ATP8A2: variants seen among roughly 807,000 people sequenced by gnomAD.
ATP8A2 encodes ATPase phospholipid transporting 8A2, also known as phospholipid-transporting ATPase IB.
Under a neutral mutation model 165.6 loss-of-function variants are expected in ATP8A2, and 100 were observed. That is an observed-to-expected ratio of 0.60 (90% CI 0.51 to 0.71). The LOEUF is 0.71. ATP8A2 is among the 30% of genes least tolerant of loss of function. The pLI is 0.00. For synonymous variants in ATP8A2, 543 were observed against 548.8 expected (o/e 0.99, Z 0.15); for missense variants, 1,227 against 1,479.5 (o/e 0.83, Z 2.80).
intron 30 of ATP8A2, among the ~76,000 whole-genome samples, chr13:25,855,353 G>C (rs1204823631): frequency 1.3e-5 from 2 of 152,038 alleles, no homozygotes; most frequent in African/African-American, 4.8e-5. Context: ...CCCATTTCTG[G>C]ACATTCCATA....
At chr13:25,982,096 A>G (rs1274363715) in intron 35 of ATP8A2, among the ~76,000 whole-genome samples, 1 of 152,188 alleles carries the variant, frequency 6.6e-6, no homozygotes, top group Non-Finnish European at 1.5e-5. Flanking sequence ...TTCTAGAATG[A>G]TGGTGGTTTT....
chr13:25,910,101 G>T (rs918265153), intron 33 of ATP8A2, among the ~76,000 whole-genome samples: 12 of 152,188 alleles, frequency 7.9e-5, no homozygotes, highest in African/African-American at 2.9e-4. Flanking sequence ...AGTGAAAAGG[G>T]ATGCACAAGT....
At chr13:25,607,498 A>G (rs1221902443) in intron 24 of ATP8A2, among the ~76,000 whole-genome samples, 1 of 151,772 alleles carries the variant, frequency 6.6e-6, no homozygotes, top group Non-Finnish European at 1.5e-5. Context: ...ACCGATTGTT[A>G]AGTCAAAAAA....
chr13:25,411,447 A>G (rs2033962424), intron 1 of ATP8A2, among the ~76,000 whole-genome samples: 1 of 152,168 alleles, frequency 6.6e-6, no homozygotes, highest in Non-Finnish European at 1.5e-5. Flanking sequence ...CAGAGCCTTA[A>G]TTTTCTAATA....
chr13:25,593,610 C>T (rs144233006), intron 24 of ATP8A2, among the ~76,000 whole-genome samples: 2 of 152,220 alleles, frequency 1.3e-5, no homozygotes, highest in East Asian at 1.9e-4. Context: ...ATTGATAATA[C>T]GTAAGGATTG....
intron 24 of ATP8A2, among the ~76,000 whole-genome samples, chr13:25,662,251 A>G (rs1406851090): frequency 5.9e-5 from 9 of 152,180 alleles, no homozygotes; most frequent in Admixed American, 5.9e-4. Context: ...TGCCATGATG[A>G]GTGTGCAGAG....
chr13:25,677,945 G>A (rs764645122), intron 24 of ATP8A2, among the ~76,000 whole-genome samples: 10 of 152,140 alleles, frequency 6.6e-5, no homozygotes, highest in Non-Finnish European at 1.0e-4. Context: ...ATGAGAGGGG[G>A]TGGGGGATAT....
chr13:25,607,659 C>T (rs963917684), intron 24 of ATP8A2, among the ~76,000 whole-genome samples: 14 of 152,192 alleles, frequency 9.2e-5, no homozygotes, highest in Non-Finnish European at 4.4e-5. Context: ...GACTCAATTC[C>T]AGTTCCATTG....
intron 11 of ATP8A2, among the ~76,000 whole-genome samples, chr13:25,552,850 C>A (rs140902589): frequency 1.3e-5 from 2 of 152,196 alleles, no homozygotes; most frequent in Non-Finnish European, 2.9e-5. Context: ...CCTGCTCCCC[C>A]TGTACCTTCC....
chr13:25,590,379 C>T (rs966358877), intron 24 of ATP8A2, among the ~76,000 whole-genome samples: 2 of 152,116 alleles, frequency 1.3e-5, no homozygotes, highest in South Asian at 2.1e-4. Context: ...GAGCCGTGAT[C>T]GTGCCACTGC....
intron 1 of ATP8A2, among the ~76,000 whole-genome samples, chr13:25,418,986 G>A (rs554027600): frequency 6.6e-6 from 1 of 152,070 alleles, no homozygotes; most frequent in African/African-American, 2.4e-5. Flanking sequence ...TGGAAGAGGG[G>A]GAAAAAAGGA....
chr13:25,639,555 A>T (rs2041459713), intron 24 of ATP8A2, among the ~76,000 whole-genome samples: 1 of 152,228 alleles, frequency 6.6e-6, no homozygotes, highest in Non-Finnish European at 1.5e-5. Context: ...AGAGCTAACT[A>T]TCCTAAATAT....
intron 1 of ATP8A2, among the ~76,000 whole-genome samples, chr13:25,385,970 T>C (rs892573518): frequency 2.6e-5 from 4 of 151,512 alleles, no homozygotes; most frequent in Non-Finnish European, 5.9e-5. Flanking sequence ...TGGAGTGCAG[T>C]GGTTCGACCT....
chr13:25,508,475 A>G (rs1304340839), intron 2 of ATP8A2, among the ~76,000 whole-genome samples: 1 of 152,244 alleles, frequency 6.6e-6, no homozygotes, highest in African/African-American at 2.4e-5. Context: ...GGAAAATTAT[A>G]TCACCATTAA....
intron 35 of ATP8A2, among the ~76,000 whole-genome samples, chr13:25,972,877 T>G (rs1052898677): frequency 6.6e-6 from 1 of 152,146 alleles, no homozygotes; most frequent in Admixed American, 6.5e-5. Flanking sequence ...TAATTTTTTT[T>G]GGAATGAGAT....
rs761406893 is a variant in ATP8A2 at position 25,774,855 on chromosome 13, T to G, written c.2575T>G (p.Tyr859Asp). Residue 859 changes from tyrosine (Y) to aspartate (D), a missense_variant, in exon 27 of 37, where the codon TAC becomes GAC. Tyr to Asp is a radical substitution (Grantham distance 160, BLOSUM62 -3). Coordinates refer to ENST00000381655, the MANE Select transcript of ATP8A2 (RefSeq NM_016529.6). ...NSDYAIAQFS[Y>D]LEKLLLVHGA... ...TGTAATTTTCCTTTTTCAGTTTTCCTACTTAGAGAAGCTTCTGTTGGTTCA... is the reference window on the plus strand; with the variant it reads ...TGTAATTTTCCTTTTTCAGTTTTCCGACTTAGAGAAGCTTCTGTTGGTTCA... 91 of 1,607,446 alleles carry G rather than the reference T, an allele frequency of 5.7e-5. No homozygotes were observed. The highest frequency in any genetic ancestry group is 7.5e-5 in the Non-Finnish European group (88 of 1,174,796).
At chr13:25,884,353 C>G (rs1404741676) in intron 33 of ATP8A2, among the ~76,000 whole-genome samples, 1 of 152,098 alleles carries the variant, frequency 6.6e-6, no homozygotes, top group East Asian at 1.9e-4. Flanking sequence ...GACCTCATTC[C>G]CTGCCACTCA....
chr13:25,639,270 A>G (rs1432165938), intron 24 of ATP8A2, among the ~76,000 whole-genome samples: 2 of 152,212 alleles, frequency 1.3e-5, no homozygotes, highest in African/African-American at 4.8e-5. Flanking sequence ...CTTAAATGTA[A>G]ATGGGCTGAA....
chr13:25,707,207 A>C (rs2137958188), intron 25 of ATP8A2, among the ~76,000 whole-genome samples: 1 of 152,312 alleles, frequency 6.6e-6, no homozygotes, highest in Admixed American at 6.5e-5. Context: ...ATTTCTAAAT[A>C]ATTATTTACA....
Sources: gnomAD v4.1 joint callset for allele counts (sites outside exome capture counted in the v4.1 genomes callset) on GRCh38, gnomAD v4.1.1 for gene constraint, MANE v1.5 for transcripts, NCBI Gene and HGNC (gene_info 2026-07-23, HGNC 2026-07-21) for gene names.